The following PDE3B variants were observed in gnomAD, a reference collection of about 807,000 sequenced individuals.
The protein encoded by PDE3B is phosphodiesterase 3B, also known as cGMP-inhibited 3',5'-cyclic phosphodiesterase 3B.
Under a neutral mutation model 116.8 loss-of-function variants are expected in PDE3B, and 66 were observed. The ratio of observed to expected loss-of-function variants is 0.56; its 90% CI spans 0.46 to 0.69. PDE3B has a LOEUF of 0.69. Among genes scored for constraint, PDE3B ranks in the 30% least tolerant of loss-of-function variants. The pLI is 0.00. For synonymous variants in PDE3B, 595 were observed against 533.6 expected, an observed-to-expected ratio of 1.12 and a Z score of -1.59; for missense variants, 1,384 against 1,368.1, an observed-to-expected ratio of 1.01 and a Z score of -0.18.
chr11:14,666,911 T>G (rs1308215793), intron 1 of PDE3B, among the ~76,000 whole-genome samples: 1 of 152,148 alleles, frequency 6.6e-6, no homozygotes, highest in African/African-American at 2.4e-5. Context: ...AAATACCATT[T>G]GACCCAGCCA....
Position 14,724,676 on chromosome 11 carries a change from C to T in PDE3B, c.979-47261C>T, listed in dbSNP as rs1388972067. ...TATTAGATTGGATCACACAGAACTC[C>T]AGGCCAGAGATAAGAATGTTCAAGG... On this transcript the variant is annotated intron_variant, in intron 1 of 15. Transcript: ENST00000282096. Among the ~76,000 whole-genome samples the T allele has an allele frequency of 4.6e-5, 7 of 152,164 alleles. No individual in the cohort carries two copies. The East Asian group carries it at 1.3e-3, about 29-fold the overall frequency.
intron 4 of PDE3B, among the ~76,000 whole-genome samples, chr11:14,795,603 AC>A (rs1407112075): frequency 3.2e-4 from 49 of 152,116 alleles, no homozygotes; most frequent in African/African-American, 1.2e-3. Flanking sequence ...TTATTGAAAG[AC>A]CCTGGATCAA....
chr11:14,860,414 C>T (rs1194527982), intron 13 of PDE3B, among the ~76,000 whole-genome samples: 3 of 151,862 alleles, frequency 2.0e-5, no homozygotes, highest in African/African-American at 7.3e-5. Flanking sequence ...CAAAAAGCAA[C>T]CATCACACTG....
At chr11:14,860,584 A>T (rs940955513) in intron 13 of PDE3B, among the ~76,000 whole-genome samples, 1 of 152,164 alleles carries the variant, frequency 6.6e-6, no homozygotes, top group Non-Finnish European at 1.5e-5. Context: ...TAATCCTCAT[A>T]GCAGCATGGC....
At chr11:14,827,417 C>T (rs1201761817) in intron 7 of PDE3B, among the ~76,000 whole-genome samples, 4 of 152,066 alleles carry the variant, frequency 2.6e-5, no homozygotes, top group African/African-American at 9.7e-5. Context: ...CTAGAAAACC[C>T]CGAAGTCTCG....
chr11:14,731,448 C>T (rs777840941), intron 1 of PDE3B, among the ~76,000 whole-genome samples: 12 of 151,620 alleles, frequency 7.9e-5, no homozygotes, highest in Non-Finnish European at 1.3e-4. Flanking sequence ...TTAGTAGAGA[C>T]GGGGTTTCAT....
chr11:14,674,349 A>T (rs1854466153), intron 1 of PDE3B: 1 of 810,568 alleles, frequency 1.2e-6, no homozygotes. Context: ...CTTTCTGCAA[A>T]TTAGTGTCCT....
rs564543817 is a variant in PDE3B, at chr11:14,752,610, T to A, written c.979-19327T>A. On this transcript the variant is annotated intron_variant, in intron 1 of 15. Transcript: ENST00000282096. Reference sequence around the variant, plus strand: ...ATGGCTGTCTTTTCTGTGAGAACGTTGAAATGTTTTATTAAATTTTAAGGA... The same window carrying A: ...ATGGCTGTCTTTTCTGTGAGAACGTAGAAATGTTTTATTAAATTTTAAGGA... Among the ~76,000 whole-genome samples, 12 of 152,230 alleles carry A rather than the reference T, an allele frequency of 7.9e-5. No homozygotes were observed. In the South Asian group the frequency reaches 2.5e-3, roughly 32 times the overall value.
chr11:14,855,443 G>A (rs1397229624), intron 12 of PDE3B, among the ~76,000 whole-genome samples: 2 of 152,006 alleles, frequency 1.3e-5, no homozygotes, highest in Non-Finnish European at 2.9e-5. Flanking sequence ...ATAGATGCTA[G>A]ACAATACTGG....
At chr11:14,784,554 T>C (rs962602189) in intron 2 of PDE3B, among the ~76,000 whole-genome samples, 7 of 152,016 alleles carry the variant, frequency 4.6e-5, no homozygotes, top group Admixed American at 3.9e-4. Flanking sequence ...AGAAACTCTA[T>C]AAATTAATCA....
At chr11:14,745,167 C>CA (rs1458582925) in intron 1 of PDE3B, among the ~76,000 whole-genome samples, 1 of 152,122 alleles carries the variant, frequency 6.6e-6, no homozygotes, top group Non-Finnish European at 1.5e-5. Flanking sequence ...GTTCTTTTCA[C>CA]ATTCCCTAGA....
At chr11:14,898,689 G>A in the PDE3B span, among the ~76,000 whole-genome samples, 4 of 151,986 alleles carry the variant, frequency 2.6e-5, no homozygotes, top group African/African-American at 9.7e-5. Flanking sequence ...CTGACTCCTG[G>A]GGCTATGCTC....
chr11:14,683,828 A>C (rs1048161269), intron 1 of PDE3B, among the ~76,000 whole-genome samples: 1 of 152,148 alleles, frequency 6.6e-6, no homozygotes, highest in Non-Finnish European at 1.5e-5. Context: ...CCCTCTAAGC[A>C]CTATGCTAGC....
At chr11:14,736,636 G>GGGTATTGA (rs1342597712) in intron 1 of PDE3B, among the ~76,000 whole-genome samples, 2 of 152,140 alleles carry the variant, frequency 1.3e-5, no homozygotes, top group African/African-American at 4.8e-5. Context: ...TTTTGTCCTA[G>GGGTATTGA]GGTATTGAGA....
At chr11:14,885,813 T>G in the PDE3B span, 9 of 1,613,218 alleles carry the variant, frequency 5.6e-6, no homozygotes, top group African/African-American at 1.1e-4. Context: ...AAGGAAGGCA[T>G]GGTCTGTCTG....
chr11:14,831,920 T>C, intron 9 of PDE3B, 143 bp downstream of exon 9: 1 of 517,380 alleles, frequency 1.9e-6, no homozygotes, highest in Non-Finnish European at 3.4e-6. Context: ...AATAAATATA[T>C]ACATAAAACA....
chr11:14,759,631 C>T (rs1333125396), intron 1 of PDE3B, among the ~76,000 whole-genome samples: 1 of 151,048 alleles, frequency 6.6e-6, no homozygotes, highest in East Asian at 1.9e-4. Context: ...TCACTGAAAC[C>T]TCCGCCTCCT....
rs536017628 is a variant in PDE3B, at chr11:14,806,141, G to T, written c.1522+2091G>T. ...ATTTGACCCAGCAATCCCATTACTG[G>T]GTATATACCCAAAGGATTGTAAATC... is the stretch of plus-strand genomic sequence containing the variant. On this transcript the variant is annotated intron_variant, in intron 5 of 15. Transcript: ENST00000282096. Among the ~76,000 whole-genome samples the T allele has an allele frequency of 2.7e-3, 408 of 152,238 alleles. 4 individuals are homozygous for T. In the Middle Eastern group the frequency reaches 0.027, roughly 10 times the overall value.
chr11:14,674,430 G>A (rs2062890974), intron 1 of PDE3B: 9 of 638,292 alleles, frequency 1.4e-5, no homozygotes, highest in Non-Finnish European at 2.1e-5. Context: ...AATGTATAAA[G>A]TATTTCACTT....
Sources: gnomAD v4.1 joint callset for allele counts (sites outside exome capture counted in the v4.1 genomes callset) on GRCh38, gnomAD v4.1.1 for gene constraint, MANE v1.5 for transcripts, NCBI Gene and HGNC (gene_info 2026-07-23, HGNC 2026-07-21) for gene names.